Variants in PLXDC2 observed in about 807,000 individuals in gnomAD.
PLXDC2 encodes plexin domain containing 2.
In PLXDC2, 40 loss-of-function variants were observed where a neutral mutation model predicts 68.9. The ratio of observed to expected loss-of-function variants is 0.58; its 90% CI spans 0.45 to 0.76. The LOEUF is 0.76. PLXDC2 is among the 30% of genes least tolerant of loss of function. PLXDC2 has a pLI of 0.00. For synonymous variants in PLXDC2, 243 were observed against 234.2 expected (o/e 1.04, Z -0.34); for missense variants, 644 against 661.9 (o/e 0.97, Z 0.30).
At chr10:19,843,921 G>C (rs1836951670) in intron 1 of PLXDC2, among the ~76,000 whole-genome samples, 1 of 152,188 alleles carries the variant, frequency 6.6e-6, no homozygotes, top group African/African-American at 2.4e-5. Context: ...AGCTGGAAGA[G>C]AGGACTTGAA....
intron 9 of PLXDC2, among the ~76,000 whole-genome samples, chr10:20,197,807 T>G (rs573533286): frequency 7.2e-5 from 11 of 152,110 alleles, no homozygotes; most frequent in Non-Finnish European, 1.3e-4. Context: ...TCTATGGTGT[T>G]TCTAAAGAGG....
chr10:19,857,580 A>G (rs532793577), intron 1 of PLXDC2, among the ~76,000 whole-genome samples: 4 of 152,346 alleles, frequency 2.6e-5, no homozygotes, highest in African/African-American at 9.6e-5. Context: ...TGAAGGGTTC[A>G]TTGTCAGACC....
intron 13 of PLXDC2, among the ~76,000 whole-genome samples, chr10:20,270,954 A>G (rs1344332443): frequency 9.1e-6 from 1 of 109,968 alleles, no homozygotes; most frequent in African/African-American, 4.8e-5. Flanking sequence ...AAAAAAAAAA[A>G]CTGGAAAAAA....
intron 9 of PLXDC2, among the ~76,000 whole-genome samples, chr10:20,181,039 G>A (rs543268544): frequency 3.9e-5 from 6 of 152,102 alleles, no homozygotes; most frequent in Non-Finnish European, 5.9e-5. Flanking sequence ...TTTGGTATAC[G>A]GAGACAGAGT....
intron 13 of PLXDC2, among the ~76,000 whole-genome samples, chr10:20,277,208 CAAAAAAAAAAA>C (rs60978653): frequency 7.4e-5 from 5 of 67,954 alleles, no homozygotes; most frequent in African/African-American, 1.7e-4. Context: ...GATTCCATCT[CAAAAAAAAAAA>C]AAAAAAAAAA....
intron 4 of PLXDC2, among the ~76,000 whole-genome samples, chr10:20,142,231 T>A (rs1305516082): frequency 6.6e-6 from 1 of 152,108 alleles, no homozygotes; most frequent in Non-Finnish European, 1.5e-5. Flanking sequence ...TATTAATTCC[T>A]GTGAAAGTAG....
chr10:19,874,539 G>C (rs570946269), intron 1 of PLXDC2, among the ~76,000 whole-genome samples: 1 of 152,312 alleles, frequency 6.6e-6, no homozygotes, highest in East Asian at 1.9e-4. Context: ...TCAGTGGACT[G>C]TAGGTCTAAG....
Position 20,050,700 on chromosome 10 carries a change from A to C in PLXDC2, c.471+3685A>C, listed in dbSNP as rs7071668. 3.8e-3 allele frequency among the ~76,000 whole-genome samples: 576 copies of C among 151,796 alleles called. 5 individuals carry two copies. The highest frequency in any genetic ancestry group is 0.013 in the African/African-American group (537 of 41,404). On this transcript the variant is annotated intron_variant, in intron 3 of 13. Coordinates refer to ENST00000377252, the MANE Select transcript of PLXDC2 (RefSeq NM_032812.9). ...AATGGCTATTATTAAAAAGTAAAAA[A>C]AAAAACAAAAACAAAACAAACAAAC...
At chr10:20,234,136 CAG>C (rs1835401247) in intron 12 of PLXDC2, among the ~76,000 whole-genome samples, 1 of 152,156 alleles carries the variant, frequency 6.6e-6, no homozygotes, top group South Asian at 2.1e-4. Flanking sequence ...CAGCAAATCA[CAG>C]AGTTTTAAAG....
chr10:20,198,061 C>A (rs1295191905), intron 9 of PLXDC2, among the ~76,000 whole-genome samples: 2 of 152,064 alleles, frequency 1.3e-5, no homozygotes, highest in Non-Finnish European at 2.9e-5. Context: ...GGTGCTGTAA[C>A]CTTGATTGGA....
At chr10:19,943,326 T>G (rs1833848825) in intron 1 of PLXDC2, among the ~76,000 whole-genome samples, 1 of 152,110 alleles carries the variant, frequency 6.6e-6, no homozygotes, top group Non-Finnish European at 1.5e-5. Flanking sequence ...GATGCTAAAT[T>G]TAAGCATTTC....
At chr10:19,962,873 C>T (rs1309032220) in intron 1 of PLXDC2, among the ~76,000 whole-genome samples, 2 of 150,386 alleles carry the variant, frequency 1.3e-5, no homozygotes, top group African/African-American at 4.9e-5. Context: ...GCCTGTAGTC[C>T]CAGCTGCTCG....
intron 1 of PLXDC2, among the ~76,000 whole-genome samples, chr10:19,905,566 G>A (rs1833143892): frequency 6.6e-6 from 1 of 151,920 alleles, no homozygotes; most frequent in South Asian, 2.1e-4. Context: ...TGGCAGGACT[G>A]GTGATATTTT....
chr10:20,157,981 TAC>T (rs1834238694), intron 6 of PLXDC2, among the ~76,000 whole-genome samples: 1 of 152,058 alleles, frequency 6.6e-6, no homozygotes, highest in Non-Finnish European at 1.5e-5. Flanking sequence ...ATACAGATCA[TAC>T]AGAGGCCCAG....
At chr10:20,135,992 C>T (rs2131781129) in intron 4 of PLXDC2, among the ~76,000 whole-genome samples, 1 of 152,048 alleles carries the variant, frequency 6.6e-6, no homozygotes, top group East Asian at 1.9e-4. Flanking sequence ...ATAAAAATCC[C>T]TTCATATATT....
chr10:20,202,891 G>A (rs560877847), intron 9 of PLXDC2, among the ~76,000 whole-genome samples: 51 of 152,020 alleles, frequency 3.4e-4, no homozygotes, highest in Non-Finnish European at 7.1e-4. Context: ...AACTGGCTTT[G>A]TTTTAATGCA....
rs892851517 is a variant in PLXDC2 at position 20,282,136 on chromosome 10, A to G, written c.*2317A>G. 1 of 152,188 alleles carries G rather than the reference A, an allele frequency of 6.6e-6. No homozygotes were observed. The highest frequency in any genetic ancestry group is 1.5e-5 in the Non-Finnish European group (1 of 68,022). The allele number at this position is 152,188 out of a possible 1,614,324, so 9.4% of individuals were successfully genotyped here. ...ACTGAATTCTTCAGTGAACCAAAGC[A>G]ACAAATAATAGAGAAAACTTCTTGA... On this transcript the variant is annotated 3_prime_UTR_variant, in exon 14 of 14. Coordinates refer to ENST00000377252, the MANE Select transcript of PLXDC2 (RefSeq NM_032812.9).
intron 1 of PLXDC2, among the ~76,000 whole-genome samples, chr10:19,954,498 C>A (rs1294954393): frequency 6.6e-6 from 1 of 152,122 alleles, no homozygotes; most frequent in African/African-American, 2.4e-5. Context: ...TTTTGATGAT[C>A]CATTTGTAGT....
intron 1 of PLXDC2, among the ~76,000 whole-genome samples, chr10:19,905,363 T>G (rs962054670): frequency 6.6e-6 from 1 of 152,216 alleles, no homozygotes; most frequent in African/African-American, 2.4e-5. Context: ...TGTAAAACTT[T>G]TGGCAAAACT....
Sources: allele counts gnomAD v4.1 joint callset (sites outside exome capture counted in the v4.1 genomes callset), GRCh38; gene constraint gnomAD v4.1.1; transcripts MANE v1.5; gene names NCBI Gene and HGNC (gene_info 2026-07-23, HGNC 2026-07-21).